Variants in LNPK observed in about 807,000 individuals in gnomAD.
LNPK encodes endoplasmic reticulum junction formation protein lunapark.
LNPK carries 29 observed loss-of-function variants against 55.2 expected under a neutral mutation model. The ratio of observed to expected loss-of-function variants is 0.53; its 90% CI spans 0.39 to 0.72. The LOEUF (loss-of-function observed/expected upper bound fraction) is 0.72, where lower values mean the gene tolerates loss of function less well. LNPK is among the 30% of genes least tolerant of loss of function. The pLI is 0.00. For missense variants in LNPK, 467 were observed against 494.8 expected, an observed-to-expected ratio of 0.94 and a Z score of 0.53; for synonymous variants, 162 against 168.2, an observed-to-expected ratio of 0.96 and a Z score of 0.29.
chr2:175,972,369 C>A (rs1393811356), intron 5 of LNPK, among the ~76,000 whole-genome samples: 1 of 152,092 alleles, frequency 6.6e-6, no homozygotes, highest in African/African-American at 2.4e-5. Flanking sequence ...TACACCCCAG[C>A]TGAGCATCTC....
At chr2:175,930,614 T>C (rs992036476) in intron 12 of LNPK, among the ~76,000 whole-genome samples, 3 of 144,256 alleles carry the variant, frequency 2.1e-5, no homozygotes, top group African/African-American at 7.7e-5. Flanking sequence ...ACTGTTTCCC[T>C]TGTGTCCAGG....
chr2:175,989,341 C>G (rs902237994), intron 4 of LNPK, among the ~76,000 whole-genome samples: 5 of 152,142 alleles, frequency 3.3e-5, no homozygotes, highest in African/African-American at 1.2e-4. Flanking sequence ...CCAACAACCC[C>G]ATTTTGAGAG....
At position 175,928,524 on chromosome 2, in the gene LNPK, A is replaced by G. The variant is rs903530506; in HGVS notation, c.*1443T>C. 29 of 151,386 alleles carry G rather than the reference A, an allele frequency of 1.9e-4. 1 individual carries two copies. The highest frequency in any genetic ancestry group is 3.5e-4 in the Non-Finnish European group (24 of 67,922). The allele number at this position is 151,386 out of a possible 1,614,324, so 9.4% of individuals were successfully genotyped here. A position where few individuals can be genotyped will look rare whatever the true frequency, so the allele number is the denominator to read the frequency against. On this transcript the variant is annotated 3_prime_UTR_variant, in exon 13 of 13. Transcript: ENST00000272748. ...GATTGAGTTCCAAAAAAAAAAAAAA[A>G]AAAAAACTGTCACATATGAGATATT...
At chr2:175,940,647 A>G (rs372425961) in intron 9 of LNPK, among the ~76,000 whole-genome samples, 8 of 152,306 alleles carry the variant, frequency 5.3e-5, no homozygotes, top group African/African-American at 1.9e-4. Flanking sequence ...AGACATGCCA[A>G]TAAGCAGGAA....
chr2:175,938,317 G>T lies in LNPK; in HGVS notation c.879C>A (p.Tyr293Ter). 1 of 1,566,856 alleles carries T rather than the reference G, an allele frequency of 6.4e-7. No individual in the cohort carries two copies. The highest frequency in any genetic ancestry group is 8.8e-7 in the Non-Finnish European group (1 of 1,139,438). Residue 293 changes from tyrosine (Y) to a stop codon, truncating the protein, a stop_gained, in exon 11 of 13, where the codon TAC becomes TAA. Transcript: ENST00000272748. LOFTEE classifies it high-confidence loss of function. ...TCATTGCCCAATAATTCTTACCAAT[G>T]TATTCAAATTCTTCCTTCAAAGCCA... Reference protein sequence around the residue: ...NGMALKEEFEYIAFRCAYCFF... With the variant: ...NGMALKEEFE
At chr2:175,978,499 G>C (rs1227741964) in intron 5 of LNPK, among the ~76,000 whole-genome samples, 1 of 152,130 alleles carries the variant, frequency 6.6e-6, no homozygotes, top group Non-Finnish European at 1.5e-5. Context: ...TGGTTGGTTG[G>C]TTGGTTTTAG....
chr2:175,996,102 C>T (rs1323282460), intron 1 of LNPK, among the ~76,000 whole-genome samples: 2 of 152,064 alleles, frequency 1.3e-5, no homozygotes, highest in South Asian at 4.1e-4. Context: ...CGTGAGCCAT[C>T]GCACACCACC....
At chr2:175,972,844 A>G (rs995733117) in intron 5 of LNPK, among the ~76,000 whole-genome samples, 4 of 152,220 alleles carry the variant, frequency 2.6e-5, no homozygotes, top group African/African-American at 9.6e-5. Context: ...GTATTATTAC[A>G]TTGGAAGTTA....
At chr2:175,966,628 A>AT (rs1455318875) in intron 6 of LNPK, among the ~76,000 whole-genome samples, 5 of 152,106 alleles carry the variant, frequency 3.3e-5, no homozygotes, top group African/African-American at 1.2e-4. Flanking sequence ...TCTATTTCCC[A>AT]TTTTTTGCAT....
At chr2:175,947,763 TA>T in intron 8 of LNPK, 71 bp from the exon 9 acceptor site, 5 of 1,112,476 alleles carry the variant, frequency 4.5e-6, no homozygotes, top group Non-Finnish European at 6.3e-6. Context: ...AAACAATTTA[TA>T]TTTATTAAAA....
In LNPK at chr2:175,928,434, T is replaced by C. The variant is rs1229321736; in HGVS notation, c.*1533A>G. ...CTTGCCCAAGACTACAGACCTGAAA[T>C]TTAAGCCCAATACGGCAGGCTCAAA... is the stretch of plus-strand genomic sequence containing the variant. On this transcript the variant is annotated 3_prime_UTR_variant, in exon 13 of 13. Coordinates refer to ENST00000272748, the MANE Select transcript of LNPK (RefSeq NM_030650.3). 1 of 148,892 alleles carries C rather than the reference T, an allele frequency of 6.7e-6. No homozygotes were observed. The highest frequency in any genetic ancestry group is 1.5e-5 in the Non-Finnish European group (1 of 67,688). The allele number at this position is 148,892 out of a possible 1,614,324, so 9.2% of individuals were successfully genotyped here. A position where few individuals can be genotyped will look rare whatever the true frequency, so the allele number is the denominator to read the frequency against.
chr2:175,985,726 T>C (rs1687377083), intron 4 of LNPK, among the ~76,000 whole-genome samples: 2 of 152,178 alleles, frequency 1.3e-5, no homozygotes, highest in Non-Finnish European at 2.9e-5. Context: ...GGATTTAATT[T>C]ATAAATTAGG....
At chr2:175,985,100 A>G (rs1309413042) in intron 4 of LNPK, among the ~76,000 whole-genome samples, 1 of 152,256 alleles carries the variant, frequency 6.6e-6, no homozygotes, top group Admixed American at 6.5e-5. Context: ...CAATTTCAAA[A>G]TGTTACATAC....
At chr2:175,977,350 A>G (rs577805743) in intron 5 of LNPK, among the ~76,000 whole-genome samples, 6 of 152,318 alleles carry the variant, frequency 3.9e-5, no homozygotes, top group Admixed American at 2.6e-4. Flanking sequence ...AGTGCTCAAC[A>G]GTCACAAATG....
chr2:175,965,720 C>A (rs1172471887), intron 6 of LNPK, among the ~76,000 whole-genome samples: 1 of 151,596 alleles, frequency 6.6e-6, no homozygotes, highest in Admixed American at 6.6e-5. Flanking sequence ...TTTCCTATTT[C>A]AAAATTATTA....
chr2:175,989,296 C>T (rs1687580699), intron 4 of LNPK, among the ~76,000 whole-genome samples: 1 of 152,084 alleles, frequency 6.6e-6, no homozygotes, highest in African/African-American at 2.4e-5. Context: ...AGGAATATGA[C>T]CACTTTCCTC....
intron 8 of LNPK, among the ~76,000 whole-genome samples, chr2:175,953,684 T>C (rs753508399): frequency 5.3e-5 from 8 of 151,904 alleles, no homozygotes; most frequent in Non-Finnish European, 1.0e-4. Context: ...TACAGGCCTT[T>C]ATCTTTTAAC....
rs915089401 is a variant in LNPK at position 175,984,419 on chromosome 2, C to T, written c.258-4551G>A. Among the ~76,000 whole-genome samples, 10 of 152,110 alleles carry T rather than the reference C, an allele frequency of 6.6e-5. No homozygotes were observed. In the South Asian group the frequency reaches 1.9e-3, roughly 28 times the overall value. On this transcript the variant is annotated intron_variant, in intron 4 of 12. Transcript: ENST00000272748. ...TTGAACTCCTGACTTCATGATCTGC[C>T]CGCCTCAGTCTCCCAAAGTGCTGGG...
intron 1 of LNPK, among the ~76,000 whole-genome samples, chr2:175,998,334 C>T (rs890864405): frequency 2.0e-5 from 3 of 151,672 alleles, no homozygotes; most frequent in Admixed American, 1.3e-4. Context: ...ATCCCAGCTA[C>T]TCGGGAGGCT....
Sources: allele counts gnomAD v4.1 joint callset (sites outside exome capture counted in the v4.1 genomes callset), GRCh38; gene constraint gnomAD v4.1.1; transcripts MANE v1.5; gene names NCBI Gene and HGNC (gene_info 2026-07-23, HGNC 2026-07-21).